Variants in ADRA1A observed in about 807,000 individuals in gnomAD.
ADRA1A encodes adrenoceptor alpha 1A, also known as alpha-1A adrenergic receptor.
In ADRA1A, 31 loss-of-function variants were observed where a neutral mutation model predicts 29.6. The ratio of observed to expected loss-of-function variants is 1.05; its 90% confidence interval spans 0.79 to 1.41. The LOEUF (loss-of-function observed/expected upper bound fraction) is 1.41. Ranked by LOEUF, ADRA1A falls within the 40% of genes most tolerant of loss-of-function variation. The pLI is 0.00. For synonymous variants in ADRA1A, 311 were observed against 254.3 expected (o/e 1.22, Z -2.12); for missense variants, 619 against 601.1 (o/e 1.03, Z -0.31).
rs1341126757 is a variant in ADRA1A, at chr8:26,823,555, T to G, written c.883+40532A>C. ...CCTCCATCTTGGAAGTTGGGACAAA[T>G]GCACTGGTTCGGGGAGCGCTGGGCT... is the stretch of plus-strand genomic sequence containing the variant. On this transcript the variant is annotated intron_variant, in intron 2 of 2. Transcript: ENST00000380573. This position sits in a 1 kb window ranked among gnomAD's most constrained non-coding sequence, Gnocchi z 4.2. 6.6e-6 allele frequency among the ~76,000 whole-genome samples: 1 copy of G among 152,334 alleles called. No homozygotes were observed. Among genetic ancestry groups the G allele is most frequent in the Non-Finnish European group, 1.5e-5 (1 of 68,024 alleles).
At chr8:26,830,643 A>C (rs1047520071) in intron 2 of ADRA1A, among the ~76,000 whole-genome samples, 3 of 152,208 alleles carry the variant, frequency 2.0e-5, no homozygotes, top group Non-Finnish European at 4.4e-5. Flanking sequence ...TGCAAAGATG[A>C]AGGTTTATTT....
At chr8:26,834,580 T>G (rs1348413590) in intron 2 of ADRA1A, among the ~76,000 whole-genome samples, 1 of 152,238 alleles carries the variant, frequency 6.6e-6, no homozygotes, top group East Asian at 1.9e-4. Context: ...TGACCATAGA[T>G]TCTCATGAGT....
At chr8:26,827,247 A>T (rs1345175620) in intron 2 of ADRA1A, among the ~76,000 whole-genome samples, 1 of 152,250 alleles carries the variant, frequency 6.6e-6, no homozygotes, top group Non-Finnish European at 1.5e-5. Context: ...CATAGCTATA[A>T]TCATAATGTC....
In ADRA1A at chr8:26,784,248, C is replaced by A. The variant is rs146998996; in HGVS notation, c.884-13582G>T. On this transcript the variant is annotated intron_variant, in intron 2 of 2. Transcript: ENST00000380573. ...TTGAGGCTGTCTCAGAAGGACTAAT[C>A]CCTGGTACCCGTTGTGATTTTCTGT... Among the ~76,000 whole-genome samples the A allele has an allele frequency of 2.2e-3, 337 of 152,324 alleles. 1 individual carries two copies. The highest frequency in any genetic ancestry group is 7.7e-3 in the African/African-American group (322 of 41,584).
At chr8:26,804,635 T>TA (rs1364450019) in intron 2 of ADRA1A, among the ~76,000 whole-genome samples, 3 of 152,158 alleles carry the variant, frequency 2.0e-5, no homozygotes, top group Non-Finnish European at 2.9e-5. Context: ...TGCTCTGACT[T>TA]ATCTGACATA....
At chr8:26,793,882 A>G (rs1808002235) in intron 2 of ADRA1A, among the ~76,000 whole-genome samples, 1 of 152,006 alleles carries the variant, frequency 6.6e-6, no homozygotes, top group African/African-American at 2.4e-5. Context: ...TAAGTATGTA[A>G]AAATGCTTCC....
At chr8:26,785,356 T>C (rs1807296196) in intron 2 of ADRA1A, among the ~76,000 whole-genome samples, 1 of 152,164 alleles carries the variant, frequency 6.6e-6, no homozygotes, top group Non-Finnish European at 1.5e-5. Flanking sequence ...CCATTTATAA[T>C]CACCTCATAT....
At chr8:26,777,690 T>C (rs1449706852) in intron 2 of ADRA1A, among the ~76,000 whole-genome samples, 1 of 152,108 alleles carries the variant, frequency 6.6e-6, no homozygotes, top group Non-Finnish European at 1.5e-5. Flanking sequence ...ACTTGAGTGG[T>C]TGGTAAAGTG....
At chr8:26,795,443 A>C (rs1218939165) in intron 2 of ADRA1A, among the ~76,000 whole-genome samples, 1 of 152,164 alleles carries the variant, frequency 6.6e-6, no homozygotes, top group East Asian at 1.9e-4. Context: ...CTGATAAGTA[A>C]AGAACCAGGC....
At position 26,805,681 on chromosome 8, in the gene ADRA1A, T is replaced by C. The variant is rs1472205997; in HGVS notation, c.884-35015A>G. Among the ~76,000 whole-genome samples, 1 of 152,052 alleles carries C rather than the reference T, an allele frequency of 6.6e-6. No individual in the cohort carries two copies. On this transcript the variant is annotated intron_variant, in intron 2 of 2. Coordinates refer to ENST00000380573, the MANE Select transcript of ADRA1A (RefSeq NM_000680.4). The surrounding 1 kb of genome is among the most constrained non-coding windows in gnomAD (Gnocchi z 4.8). Reference sequence around the variant, plus strand: ...TCTGGTACCCCAGCTCCAGAGCTGGTGGGTAATAATTACTTGCTATGAAAA... The same window carrying C: ...TCTGGTACCCCAGCTCCAGAGCTGGCGGGTAATAATTACTTGCTATGAAAA...
intron 2 of ADRA1A, among the ~76,000 whole-genome samples, chr8:26,778,361 G>T (rs1806703071): frequency 6.6e-6 from 1 of 152,094 alleles, no homozygotes; most frequent in African/African-American, 2.4e-5. Flanking sequence ...TTATTTAAAA[G>T]ATTATTTGTT....
chr8:26,748,619 G>C (rs866960633), exon 3 of ADRA1A: 1 of 423,942 alleles, frequency 2.4e-6, no homozygotes, highest in South Asian at 1.7e-5. Context: ...TCGGCCTGGT[G>C]GCACATCCCT....
At chr8:26,839,407 C>T (rs946079129) in intron 2 of ADRA1A, among the ~76,000 whole-genome samples, 17 of 152,244 alleles carry the variant, frequency 1.1e-4, no homozygotes, top group African/African-American at 3.6e-4. Flanking sequence ...ATCCACCTGC[C>T]TCGGCCCCCC....
At chr8:26,816,994 C>G (rs758893164) in intron 2 of ADRA1A, among the ~76,000 whole-genome samples, 26 of 152,292 alleles carry the variant, frequency 1.7e-4, no homozygotes, top group Non-Finnish European at 3.4e-4. Context: ...GATTTCTTAA[C>G]TACAACTCCA....
chr8:26,822,142 T>G (rs1417581988), intron 2 of ADRA1A, among the ~76,000 whole-genome samples: 1 of 152,196 alleles, frequency 6.6e-6, no homozygotes, highest in Non-Finnish European at 1.5e-5. Context: ...GGTAATTGCA[T>G]GTTCATATTT....
chr8:26,851,526 A>G (rs568333051), intron 2 of ADRA1A, among the ~76,000 whole-genome samples: 3 of 152,338 alleles, frequency 2.0e-5, no homozygotes, highest in East Asian at 1.9e-4. Context: ...AAGGACAAAT[A>G]CCCATATTAG....
At chr8:26,801,692 A>G (rs1585719046) in intron 2 of ADRA1A, among the ~76,000 whole-genome samples, 1 of 152,154 alleles carries the variant, frequency 6.6e-6, no homozygotes, top group African/African-American at 2.4e-5. Flanking sequence ...ATAAACACAA[A>G]GCAATCTACA....
chr8:26,849,344 A>C (rs1812446102), intron 2 of ADRA1A, among the ~76,000 whole-genome samples: 1 of 152,226 alleles, frequency 6.6e-6, no homozygotes. Context: ...ACATCCAGGC[A>C]GGATGGGAAG....
chr8:26,826,941 T>C (rs7015564), intron 2 of ADRA1A, among the ~76,000 whole-genome samples: 6,673 of 152,202 alleles, frequency 0.044, 175 homozygotes, highest in Middle Eastern at 0.12. Flanking sequence ...TTAGGAAAAA[T>C]GAAAAAACTT....
Sources: gnomAD v4.1 joint callset for allele counts (sites outside exome capture counted in the v4.1 genomes callset) on GRCh38, gnomAD v4.1.1 for gene constraint, Gnocchi (gnomAD v3.1) non-coding constraint, MANE v1.5 for transcripts, NCBI Gene and HGNC (gene_info 2026-07-23, HGNC 2026-07-21) for gene names.